PTPRD: variants seen among roughly 807,000 people sequenced by gnomAD.
The protein encoded by PTPRD is receptor-type tyrosine-protein phosphatase delta.
PTPRD carries 34 observed loss-of-function variants against 214.5 expected under a neutral mutation model. That is an observed-to-expected ratio of 0.16 (90% CI 0.12 to 0.21). PTPRD has a LOEUF of 0.21. Ranked by LOEUF, PTPRD falls within the 10% of genes least tolerant of loss-of-function variation. The probability of loss-of-function intolerance (pLI) is 1.00; values close to 1 mark genes in which losing one functional copy is unlikely to be tolerated. For synonymous variants in PTPRD, 1,128 were observed against 845.7 expected, an observed-to-expected ratio of 1.33 and a Z score of -5.79; for missense variants, 2,545 against 2,398.7, an observed-to-expected ratio of 1.06 and a Z score of -1.27.
At chr9:8,568,466 T>C (rs1466121017) in intron 14 of PTPRD, among the ~76,000 whole-genome samples, 2 of 152,270 alleles carry the variant, frequency 1.3e-5, no homozygotes, top group Middle Eastern at 3.4e-3. Flanking sequence ...AAATTGGTAA[T>C]TAAGCTGCTA....
At chr9:10,429,080 G>C (rs1279051882) in intron 2 of PTPRD, among the ~76,000 whole-genome samples, 1 of 151,936 alleles carries the variant, frequency 6.6e-6, no homozygotes, top group Non-Finnish European at 1.5e-5. Flanking sequence ...TTAAATTTAT[G>C]TTTTTAAATT....
chr9:9,870,072 C>G (rs2065037258), intron 5 of PTPRD, among the ~76,000 whole-genome samples: 1 of 151,968 alleles, frequency 6.6e-6, no homozygotes, highest in Non-Finnish European at 1.5e-5. Context: ...ATACATATAT[C>G]TTAACATGAT....
chr9:10,038,396 CT>C (rs2097228482), intron 3 of PTPRD, among the ~76,000 whole-genome samples: 1 of 152,082 alleles, frequency 6.6e-6, no homozygotes, highest in Non-Finnish European at 1.5e-5. Context: ...TTTGATTCAA[CT>C]TGTGAAAATA....
chr9:9,098,581 T>G (rs950268833), intron 10 of PTPRD, among the ~76,000 whole-genome samples: 2 of 152,182 alleles, frequency 1.3e-5, no homozygotes, highest in Non-Finnish European at 2.9e-5. Flanking sequence ...TTTACATTTA[T>G]TATTATTACA....
intron 9 of PTPRD, among the ~76,000 whole-genome samples, chr9:9,262,696 G>T (rs1387701590): frequency 3.3e-5 from 5 of 151,486 alleles, no homozygotes; most frequent in Non-Finnish European, 7.4e-5. Flanking sequence ...AAAATCAGAG[G>T]TTCTTTTATA....
chr9:8,945,562 T>C (rs1053704886), intron 11 of PTPRD, among the ~76,000 whole-genome samples: 15 of 152,218 alleles, frequency 9.9e-5, no homozygotes, highest in African/African-American at 3.6e-4. Flanking sequence ...ATCTTTATGA[T>C]ACTCTCTTGA....
intron 39 of PTPRD, among the ~76,000 whole-genome samples, chr9:8,354,981 G>C (rs2076598973): frequency 6.6e-6 from 1 of 152,164 alleles, no homozygotes; most frequent in African/African-American, 2.4e-5. Context: ...TGCCAAAATA[G>C]GTCTTTGTGA....
chr9:9,336,242 C>T (rs1212884535), intron 9 of PTPRD, among the ~76,000 whole-genome samples: 2 of 151,764 alleles, frequency 1.3e-5, no homozygotes, highest in Non-Finnish European at 2.9e-5. Context: ...ACATGTTTAG[C>T]TCTGATGTTA....
At chr9:10,089,997 TC>T (rs2098409428) in intron 3 of PTPRD, among the ~76,000 whole-genome samples, 1 of 151,586 alleles carries the variant, frequency 6.6e-6, no homozygotes, top group South Asian at 2.1e-4. Context: ...GGCAAGATAT[TC>T]CAACACATGC....
intron 8 of PTPRD, among the ~76,000 whole-genome samples, chr9:9,400,761 T>A (rs1314702433): frequency 6.6e-6 from 1 of 152,052 alleles, no homozygotes; most frequent in Non-Finnish European, 1.5e-5. Context: ...AGTGAGGAAA[T>A]GGAGTCAAAC....
At chr9:10,122,485 T>A (rs56296259) in intron 3 of PTPRD, among the ~76,000 whole-genome samples, 5 of 151,988 alleles carry the variant, frequency 3.3e-5, no homozygotes, top group Non-Finnish European at 5.9e-5. Flanking sequence ...TTAAGGACAA[T>A]TGGATGCAGA....
At chr9:9,277,615 A>G (rs1946166106) in intron 9 of PTPRD, among the ~76,000 whole-genome samples, 2 of 151,434 alleles carry the variant, frequency 1.3e-5, no homozygotes, top group East Asian at 3.9e-4. Context: ...ACCCTCTCAA[A>G]ATAAAACTAT....
At chr9:8,523,337 C>T (rs544344883) in intron 19 of PTPRD, among the ~76,000 whole-genome samples, 176 bp downstream of exon 19, 2 of 152,062 alleles carry the variant, frequency 1.3e-5, no homozygotes, top group Non-Finnish European at 2.9e-5. Context: ...CCACCATGCA[C>T]CACAGTTAGA....
chr9:9,787,036 C>G (rs2098929701), intron 5 of PTPRD, among the ~76,000 whole-genome samples: 1 of 151,912 alleles, frequency 6.6e-6, no homozygotes. Flanking sequence ...ACTTGGAAGT[C>G]TGAAGCATGA....
rs542110054 is a variant in PTPRD, at chr9:9,639,507, C to T, written c.-286-64726G>A. ...TTAGCAGGCTATGTTTATCTCAATA[C>T]CTCCAAAATACGACATTTAGTACTA... On this transcript the variant is annotated intron_variant, in intron 7 of 45. Coordinates refer to ENST00000381196, the MANE Select transcript of PTPRD (RefSeq NM_002839.4). Among the ~76,000 whole-genome samples the T allele has an allele frequency of 5.3e-5, 8 of 152,288 alleles. No individual in the cohort carries two copies. In the East Asian group the frequency reaches 1.5e-3, roughly 29 times the overall value.
chr9:9,559,956 T>G (rs1280732476), intron 8 of PTPRD, among the ~76,000 whole-genome samples: 1 of 152,158 alleles, frequency 6.6e-6, no homozygotes, highest in Non-Finnish European at 1.5e-5. Flanking sequence ...CCTGGAAACT[T>G]ATCTGGGTTC....
At chr9:8,631,701 T>C (rs1430369236) in intron 14 of PTPRD, among the ~76,000 whole-genome samples, 2 of 151,924 alleles carry the variant, frequency 1.3e-5, no homozygotes, top group African/African-American at 2.4e-5. Context: ...TGTATCTTGC[T>C]GGAGTGTTAA....
At chr9:8,630,121 C>A (rs1299152369) in intron 14 of PTPRD, among the ~76,000 whole-genome samples, 1 of 151,896 alleles carries the variant, frequency 6.6e-6, no homozygotes, top group South Asian at 2.1e-4. Flanking sequence ...TAAAGCCCAT[C>A]ATGAGAGCTG....
intron 44 of PTPRD, among the ~76,000 whole-genome samples, chr9:8,328,152 G>C (rs113501806): frequency 1.3e-5 from 2 of 152,130 alleles, no homozygotes; most frequent in Admixed American, 6.5e-5. Flanking sequence ...GCAGTGGCTG[G>C]TACCAGTTGT....
Sources: gnomAD v4.1 joint callset for allele counts (sites outside exome capture counted in the v4.1 genomes callset) on GRCh38, gnomAD v4.1.1 for gene constraint, MANE v1.5 for transcripts, NCBI Gene and HGNC (gene_info 2026-07-23, HGNC 2026-07-21) for gene names.